The following ZNF480 variants were observed in gnomAD, a reference collection of about 807,000 sequenced individuals.
ZNF480 encodes zinc finger protein 480.
A neutral mutation model predicts 14.4 loss-of-function variants in ZNF480; 15 were observed. The ratio of observed to expected loss-of-function variants is 1.04; its 90% CI spans 0.70 to 1.60. The LOEUF is 1.60. Among genes scored for constraint, ZNF480 ranks in the 40% most tolerant of loss-of-function variants. The probability of loss-of-function intolerance (pLI) is 0.00; values close to 1 mark genes in which losing one functional copy is unlikely to be tolerated. For synonymous variants in ZNF480, 218 were observed against 215.5 expected, an observed-to-expected ratio of 1.01 and a Z score of -0.10; for missense variants, 593 against 629.7, an observed-to-expected ratio of 0.94 and a Z score of 0.62.
intron 2 of ZNF480, among the ~76,000 whole-genome samples, chr19:52,310,992 G>A (rs962114184): frequency 4.8e-4 from 61 of 126,716 alleles, no homozygotes; most frequent in African/African-American, 1.8e-3. Flanking sequence ...GTGACAGAGC[G>A]AGATTCCGCC....
chr19:52,309,007 TCA>T (rs1983137532), intron 2 of ZNF480, among the ~76,000 whole-genome samples: 1 of 152,174 alleles, frequency 6.6e-6, no homozygotes, highest in Non-Finnish European at 1.5e-5. Flanking sequence ...CCACCCTCTC[TCA>T]GTCTCACTGG....
In ZNF480 at chr19:52,322,874, C is replaced by T; in HGVS notation, c.*16C>T. On this transcript the variant is annotated 3_prime_UTR_variant, in exon 5 of 5. Transcript: ENST00000595962. ...TATGGGATAGAAACTACAAATGCAA[C>T]AAATGCGTCAAAGAATTTAGTGTGC... The T allele has an allele frequency of 6.5e-7, 1 of 1,537,738 alleles. No individual in the cohort carries two copies. The highest frequency in any genetic ancestry group is 1.3e-5 in the South Asian group (1 of 78,094).
chr19:52,316,194 C>G (rs199977766), intron 4 of ZNF480, among the ~76,000 whole-genome samples: 1 of 142,800 alleles, frequency 7.0e-6, no homozygotes, highest in Non-Finnish European at 1.5e-5. Flanking sequence ...CTCTCTCTTT[C>G]TCTTTCTTTC....
intron 4 of ZNF480, among the ~76,000 whole-genome samples, chr19:52,317,004 A>G (rs984309226): frequency 4.6e-5 from 7 of 152,094 alleles, no homozygotes; most frequent in Non-Finnish European, 1.0e-4. Flanking sequence ...TAATGCTGCT[A>G]TGAACATGGG....
Position 52,323,237 on chromosome 19 carries a change from C to G in ZNF480, c.*379C>G, listed in dbSNP as rs1983932413. ...TAATAAATTCCTTGAAAGATATAACCCCCCAAGATTGAACCAAGAAGAAAT... is the reference window on the plus strand; with the variant it reads ...TAATAAATTCCTTGAAAGATATAACGCCCCAAGATTGAACCAAGAAGAAAT... On this transcript the variant is annotated 3_prime_UTR_variant, in exon 5 of 5. Coordinates refer to ENST00000595962, the MANE Select transcript of ZNF480 (RefSeq NM_144684.4). The G allele has an allele frequency of 6.0e-6, 1 of 167,210 alleles. No homozygotes were observed. The highest frequency in any genetic ancestry group is 2.4e-5 in the African/African-American group (1 of 41,616). The allele number at this position is 167,210 out of a possible 1,614,324, so 10.4% of individuals were successfully genotyped here.
chr19:52,314,503 A>G (rs572974889), intron 3 of ZNF480, among the ~76,000 whole-genome samples: 2 of 151,388 alleles, frequency 1.3e-5, no homozygotes, highest in Admixed American at 1.3e-4. Context: ...AAAAAACCAA[A>G]AAAACCCTTA....
Position 52,311,004 on chromosome 19 carries a change from CAA to C in ZNF480, c.73-3128_73-3127del, listed in dbSNP as rs972255252. On this transcript the variant is annotated intron_variant, in intron 2 of 4. Transcript: ENST00000595962. ...TGGGTGACAGAGCGAGATTCCGCCT[CAA>C]AAAAAAAAAAAAAAAAAAAAGATGT... is the stretch of plus-strand genomic sequence containing the variant. Among the ~76,000 whole-genome samples, 553 of 59,884 alleles carry C rather than the reference CAA, an allele frequency of 9.2e-3. 2 individuals carry two copies. Among genetic ancestry groups the C allele is most frequent in the East Asian group, 0.057 (94 of 1,656 alleles). The allele number at this position is 59,884 out of a possible 152,430, so 39.3% of individuals were successfully genotyped here. A position where few individuals can be genotyped will look rare whatever the true frequency, so the allele number is the denominator to read the frequency against.
chr19:52,318,250 G>A (rs1262852417), intron 4 of ZNF480, among the ~76,000 whole-genome samples: 1 of 151,936 alleles, frequency 6.6e-6, no homozygotes, highest in Admixed American at 6.6e-5. Context: ...GGGATTACAG[G>A]TGCACACCAC....
chr19:52,300,598 G>A (rs1422408259), intron 2 of ZNF480, 114 bp downstream of exon 2: 16 of 1,552,738 alleles, frequency 1.0e-5, no homozygotes, highest in Admixed American at 3.5e-5. Context: ...GTTTGCTCAC[G>A]CTTACCTATG....
At chr19:52,315,525 T>A (rs1319666442) in intron 3 of ZNF480, among the ~76,000 whole-genome samples, 1 of 151,850 alleles carries the variant, frequency 6.6e-6, no homozygotes. Flanking sequence ...TTCTCTGTGT[T>A]GGTCAGGCTG....
chr19:52,314,188 C>A lies in ZNF480; in HGVS notation c.108C>A (p.Phe36Leu), dbSNP rs778465340. ...HLTFRDVAIE[F>L]SQAEWKCLDP... The stretch of plus-strand genomic sequence containing the variant: ...CATTCAGGGACGTGGCCATAGAATT[C>A]TCTCAGGCGGAGTGGAAATGCCTGG... Residue 36 changes from phenylalanine (F) to leucine (L), a missense_variant, in exon 3 of 5, where the codon TTC becomes TTA. Coordinates refer to ENST00000595962, the MANE Select transcript of ZNF480 (RefSeq NM_144684.4). 3.4e-5 allele frequency: 53 copies of A among 1,581,396 alleles called. No individual in the cohort carries two copies. The highest frequency in any genetic ancestry group is 4.5e-5 in the Non-Finnish European group (52 of 1,159,246).
intron 2 of ZNF480, chr19:52,313,750 G>A: frequency 2.4e-6 from 1 of 423,722 alleles, no homozygotes; most frequent in South Asian, 1.7e-5. Flanking sequence ...AGCACTTAGG[G>A]AGGCTGAGAT....
chr19:52,314,349 C>T (rs1286136917), intron 3 of ZNF480, 70 bp downstream of exon 3: 1 of 1,376,842 alleles, frequency 7.3e-7, no homozygotes, highest in Admixed American at 2.4e-5. Flanking sequence ...TTGTGTGCCT[C>T]CTGGGAGCCC....
chr19:52,317,542 TGTATTATTA>T (rs1481281581), intron 4 of ZNF480: 1 of 152,176 alleles, frequency 6.6e-6, no homozygotes, highest in Non-Finnish European at 1.5e-5. Flanking sequence ...AGCTAATTTT[TGTATTATTA>T]GTAGAGACAG....
At chr19:52,307,011 G>T (rs1217707631) in intron 2 of ZNF480, among the ~76,000 whole-genome samples, 1 of 152,074 alleles carries the variant, frequency 6.6e-6, no homozygotes, top group African/African-American at 2.4e-5. Context: ...AACCTTCTCT[G>T]TCACTTCTTC....
At chr19:52,304,330 A>T (rs1194900502) in intron 2 of ZNF480, among the ~76,000 whole-genome samples, 2 of 152,222 alleles carry the variant, frequency 1.3e-5, no homozygotes, top group Non-Finnish European at 2.9e-5. Flanking sequence ...CAATGTCCCC[A>T]TAGGTTGTAT....
chr19:52,324,909 A>G lies in ZNF480; in HGVS notation c.*2051A>G, dbSNP rs999357305. 1.9e-4 allele frequency: 29 copies of G among 152,244 alleles called. No homozygotes were observed. Among genetic ancestry groups the G allele is most frequent in the African/African-American group, 7.0e-4 (29 of 41,466 alleles). 9.4% of individuals were successfully genotyped at this position (152,244 alleles called of 1,614,324 possible). On this transcript the variant is annotated 3_prime_UTR_variant, in exon 5 of 5. Coordinates refer to ENST00000595962, the MANE Select transcript of ZNF480 (RefSeq NM_144684.4). ...TGATGAACACCCCAAAGCAATTGCA[A>G]CAAAAACAAAAATTGACAAGTGGGA...
Position 52,314,811 on chromosome 19 carries a change from A to AAAAC in ZNF480, c.199+548_199+551dup, listed in dbSNP as rs201529210. ...AAGAGTGAAACTCCGTCTCATTAAA[A>AAAAC]AAACAAACAAACAAACAAAAAACTA... On this transcript the variant is annotated intron_variant, in intron 3 of 4. Coordinates refer to ENST00000595962, the MANE Select transcript of ZNF480 (RefSeq NM_144684.4). Among the ~76,000 whole-genome samples, 14 of 152,074 alleles carry AAAAC rather than the reference A, an allele frequency of 9.2e-5. No homozygotes were observed. In the South Asian group the frequency reaches 1.9e-3, roughly 20 times the overall value.
intron 2 of ZNF480, among the ~76,000 whole-genome samples, chr19:52,303,126 A>G (rs750142523): frequency 9.9e-5 from 15 of 152,224 alleles, no homozygotes; most frequent in Admixed American, 1.3e-4. Context: ...AGCAGTCAGT[A>G]CCTTAATTAC....
Sources: allele counts gnomAD v4.1 joint callset (sites outside exome capture counted in the v4.1 genomes callset), GRCh38; gene constraint gnomAD v4.1.1; transcripts MANE v1.5; gene names NCBI Gene and HGNC (gene_info 2026-07-23, HGNC 2026-07-21).